Variants in PCDHGB4 observed in about 807,000 individuals in gnomAD.
The protein encoded by PCDHGB4 is protocadherin gamma subfamily B, 4.
In PCDHGB4, 38 loss-of-function variants were observed where a neutral mutation model predicts 60.5. That is an observed-to-expected ratio of 0.63 (90% CI 0.48 to 0.82). PCDHGB4 has a LOEUF of 0.82. Among genes scored for constraint, PCDHGB4 ranks in the 40% least tolerant of loss-of-function variants. The pLI is 0.00. For missense variants in PCDHGB4, 1,109 were observed against 1,209.6 expected (o/e 0.92, Z 1.23); for synonymous variants, 456 against 509.7 (o/e 0.89, Z 1.42).
At position 141,491,733 on chromosome 5, in the gene PCDHGB4, TGGGGGCGGCAC is replaced by T; in HGVS notation, c.2398-3073_2398-3063del. 1.9e-6 allele frequency: 3 copies of T among 1,602,698 alleles called. No individual in the cohort carries two copies. The highest frequency in any genetic ancestry group is 2.6e-6 in the Non-Finnish European group (3 of 1,175,258). On this transcript the variant is annotated intron_variant, in intron 1 of 3. Coordinates refer to ENST00000519479, the MANE Select transcript of PCDHGB4 (RefSeq NM_003736.4). The surrounding 1 kb of genome is among the most constrained non-coding windows in gnomAD (Gnocchi z 6.9). ...GCTCGGCGCCGCCCCGGGCGACCCC[TGGGGGCGGCAC>T]TGGAGAAGCCGCCCGTCCTCATAAG...
Position 141,490,629 on chromosome 5 carries a change from C to T in PCDHGB4, c.2398-4178C>T, listed in dbSNP as rs1174984711. 1.2e-6 allele frequency: 2 copies of T among 1,614,214 alleles called. No individual in the cohort carries two copies. Among genetic ancestry groups the T allele is most frequent in the East Asian group, 2.2e-5 (1 of 44,882 alleles). On this transcript the variant is annotated intron_variant, in intron 1 of 3. Coordinates refer to ENST00000519479, the MANE Select transcript of PCDHGB4 (RefSeq NM_003736.4). This position sits in a 1 kb window ranked among gnomAD's most constrained non-coding sequence, Gnocchi z 5.4. ...ACCAGCAGCTTTACACTGCTTACAT[C>T]CTAGAAAACCGGCCTCCGGGCTCCC...
intron 1 of PCDHGB4, among the ~76,000 whole-genome samples, chr5:141,402,419 A>T: frequency 6.6e-6 from 1 of 152,100 alleles, no homozygotes; most frequent in Middle Eastern, 3.2e-3. Flanking sequence ...ACACAGAAAA[A>T]ATTGAAGCAT....
At chr5:141,395,140 C>T in intron 1 of PCDHGB4, 1 of 1,614,212 alleles carries the variant, frequency 6.2e-7, no homozygotes, top group Non-Finnish European at 8.5e-7. Flanking sequence ...CCCAACTACG[C>T]AGACATGCTC....
At chr5:141,421,173 C>A in intron 1 of PCDHGB4, 2 of 1,377,172 alleles carry the variant, frequency 1.5e-6, no homozygotes, top group Non-Finnish European at 9.7e-7. Context: ...GATACATAAG[C>A]CGATTCACAA....
At chr5:141,408,714 A>G (rs771519650) in intron 1 of PCDHGB4, 8 of 1,612,346 alleles carry the variant, frequency 5.0e-6, no homozygotes, top group Non-Finnish European at 6.8e-6. Context: ...AAAGATTATA[A>G]GATAAACTCT....
rs1028782991 is a variant in PCDHGB4, at chr5:141,503,926, C to T, written c.2457-1467C>T. 2.6e-5 allele frequency among the ~76,000 whole-genome samples: 4 copies of T among 152,196 alleles called. No individual in the cohort carries two copies. The East Asian group carries it at 7.7e-4, about 29-fold the overall frequency. ...ACACACAACGCAACACACACACAGA[C>T]ATTTTCATGCCTTCAAGGCCTACCC... On this transcript the variant is annotated intron_variant, in intron 2 of 3. Coordinates refer to ENST00000519479, the MANE Select transcript of PCDHGB4 (RefSeq NM_003736.4).
chr5:141,400,164 C>G (rs1307583379), intron 1 of PCDHGB4: 1 of 1,614,086 alleles, frequency 6.2e-7, no homozygotes, highest in Admixed American at 1.7e-5. Context: ...TACCCTCTGA[C>G]CCCCAGGCTG....
In PCDHGB4 at chr5:141,493,511, T is replaced by G. The variant is rs1203329648; in HGVS notation, c.2398-1296T>G. Among the ~76,000 whole-genome samples the G allele has an allele frequency of 6.6e-6, 1 of 152,094 alleles. No individual in the cohort carries two copies. Reference sequence around the variant, plus strand: ...TCTGTGGCTCCTCATTTCTGAGCAGTCCCCGCAGCGCAAACTTGGCCAGTT... The same window carrying G: ...TCTGTGGCTCCTCATTTCTGAGCAGGCCCCGCAGCGCAAACTTGGCCAGTT... On this transcript the variant is annotated intron_variant, in intron 1 of 3. Coordinates refer to ENST00000519479, the MANE Select transcript of PCDHGB4 (RefSeq NM_003736.4). This position sits in a 1 kb window ranked among gnomAD's most constrained non-coding sequence, Gnocchi z 4.3.
At chr5:141,406,072 CT>C (rs530474569) in intron 1 of PCDHGB4, among the ~76,000 whole-genome samples, 16,756 of 141,280 alleles carry the variant, frequency 0.12, 1,110 homozygotes, top group African/African-American at 0.2. Flanking sequence ...ATTCTTACTC[CT>C]TTTTTTTTTT....
At chr5:141,447,549 A>T (rs1387130901) in intron 1 of PCDHGB4, among the ~76,000 whole-genome samples, 1 of 152,216 alleles carries the variant, frequency 6.6e-6, no homozygotes, top group Non-Finnish European at 1.5e-5. Context: ...TAATGTTATG[A>T]GTACACTTGG....
chr5:141,388,369 T>G lies in PCDHGB4; in HGVS notation c.485T>G (p.Ile162Ser). The change falls in exon 1 of 4, where the codon ATT (isoleucine) becomes AGT (serine). Residue 162 changes from isoleucine to serine, a missense_variant. By Grantham distance (142) the Ile-to-Ser change is moderately radical (BLOSUM62 -2). Coordinates refer to ENST00000519479, the MANE Select transcript of PCDHGB4 (RefSeq NM_003736.4). ...FILGSAHDAD[I>S]GSNTLQNYQL... is the part of the protein sequence containing the mutation. ...TTAGGATCTGCCCATGATGCGGATATTGGTAGCAACACACTGCAGAATTAC... is the reference window on the plus strand; with the variant it reads ...TTAGGATCTGCCCATGATGCGGATAGTGGTAGCAACACACTGCAGAATTAC... 6.2e-7 allele frequency: 1 copy of G among 1,614,006 alleles called. No homozygotes were observed. Among genetic ancestry groups the G allele is most frequent in the Non-Finnish European group, 8.5e-7 (1 of 1,179,894 alleles).
At chr5:141,449,818 A>G (rs1446661913) in intron 1 of PCDHGB4, among the ~76,000 whole-genome samples, 2 of 151,708 alleles carry the variant, frequency 1.3e-5, no homozygotes, top group Non-Finnish European at 2.9e-5. Flanking sequence ...GTATTTCCTA[A>G]CAAGGACATT....
intron 1 of PCDHGB4, chr5:141,405,249 G>C: frequency 1.2e-6 from 2 of 1,614,128 alleles, no homozygotes; most frequent in Non-Finnish European, 1.7e-6. Flanking sequence ...TCAAGGAAGA[G>C]TCACCTGATC....
chr5:141,465,125 G>A (rs1003967387), intron 1 of PCDHGB4, among the ~76,000 whole-genome samples: 1 of 151,194 alleles, frequency 6.6e-6, no homozygotes, highest in Non-Finnish European at 1.5e-5. Context: ...GCCTAAATTT[G>A]TAAAAAGTTT....
intron 1 of PCDHGB4, chr5:141,391,586 AAT>A (rs1412247634): frequency 6.6e-6 from 1 of 152,234 alleles, no homozygotes; most frequent in Non-Finnish European, 1.5e-5. Flanking sequence ...TTCACAGGAA[AAT>A]ATAAAGTTTT....
chr5:141,493,962 T>C lies in PCDHGB4; in HGVS notation c.2398-845T>C, dbSNP rs550317675. 6.6e-6 allele frequency among the ~76,000 whole-genome samples: 1 copy of C among 152,320 alleles called. No homozygotes were observed. Among genetic ancestry groups the C allele is most frequent in the African/African-American group, 2.4e-5 (1 of 41,578 alleles). ...AGAAGGGACTCAGGAATGAAGTGGC[T>C]GGCCAGAGCCCCACACCTTCAGCTA... is the stretch of plus-strand genomic sequence containing the variant. On this transcript the variant is annotated intron_variant, in intron 1 of 3. Coordinates refer to ENST00000519479, the MANE Select transcript of PCDHGB4 (RefSeq NM_003736.4). This position sits in a 1 kb window ranked among gnomAD's most constrained non-coding sequence, Gnocchi z 4.3.
rs1464186383 is a variant in PCDHGB4, at chr5:141,389,425, C to T, written c.1541C>T (p.Ala514Val). 3.1e-6 allele frequency: 5 copies of T among 1,613,500 alleles called. No homozygotes were observed. The highest frequency in any genetic ancestry group is 1.7e-5 in the Admixed American group (1 of 60,028). Reference sequence around the variant, plus strand: ...AGCGCGGAGAGCGGGGTGGTGTTCGCGCAGCGCGCCTTCGACCACGAGCAG... The same window carrying T: ...AGCGCGGAGAGCGGGGTGGTGTTCGTGCAGCGCGCCTTCGACCACGAGCAG... ...SISAESGVVF[A>V]QRAFDHEQLR... The change falls in exon 1 of 4, where the codon GCG becomes GTG. Residue 514 changes from alanine (A) to valine (V), a missense_variant. By Grantham distance (64) the Ala-to-Val change is moderately conservative. Transcript: ENST00000519479.
chr5:141,400,700 AAAG>A (rs1199384329), intron 1 of PCDHGB4: 5 of 728,844 alleles, frequency 6.9e-6, no homozygotes, highest in Non-Finnish European at 1.1e-5. Flanking sequence ...ATGTCGCATA[AAAG>A]AAGTAGCCTT....
In PCDHGB4 at chr5:141,487,237, T is replaced by A. The variant is rs1327004790; in HGVS notation, c.2398-7570T>A. 1.2e-6 allele frequency: 2 copies of A among 1,614,122 alleles called. No individual in the cohort carries two copies. The highest frequency in any genetic ancestry group is 1.7e-6 in the Non-Finnish European group (2 of 1,179,980). On this transcript the variant is annotated intron_variant, in intron 1 of 3. Coordinates refer to ENST00000519479, the MANE Select transcript of PCDHGB4 (RefSeq NM_003736.4). This position sits in a 1 kb window ranked among gnomAD's most constrained non-coding sequence, Gnocchi z 5.0. ...CAGCTCCAAGGGAAGGAGAATCTCGTCTAACCCTCTACTTGGCTGTGTCCC... is the reference window on the plus strand; with the variant it reads ...CAGCTCCAAGGGAAGGAGAATCTCGACTAACCCTCTACTTGGCTGTGTCCC...
Sources: gnomAD v4.1 joint callset for allele counts (sites outside exome capture counted in the v4.1 genomes callset) on GRCh38, gnomAD v4.1.1 for gene constraint, Gnocchi (gnomAD v3.1) non-coding constraint, MANE v1.5 for transcripts, NCBI Gene and HGNC (gene_info 2026-07-23, HGNC 2026-07-21) for gene names.